Variants in ADAMTS9 observed in about 807,000 individuals in gnomAD.
ADAMTS9 encodes ADAM metallopeptidase with thrombospondin type 1 motif 9, also known as A disintegrin and metalloproteinase with thrombospondin motifs 9.
ADAMTS9 carries 107 observed loss-of-function variants against 257.1 expected under a neutral mutation model. That is an observed-to-expected ratio of 0.42 (90% CI 0.36 to 0.49). ADAMTS9 has a LOEUF of 0.49. ADAMTS9 is among the 20% of genes least tolerant of loss of function. The probability of loss-of-function intolerance (pLI) is 0.03; values close to 1 mark genes in which losing one functional copy is unlikely to be tolerated. For synonymous variants in ADAMTS9, 982 were observed against 880.9 expected, an observed-to-expected ratio of 1.11 and a Z score of -2.03; for missense variants, 2,353 against 2,469.1, an observed-to-expected ratio of 0.95 and a Z score of 1.00.
chr3:64,687,845 C>T lies in ADAMTS9; in HGVS notation c.-188G>A. The T allele has an allele frequency of 2.2e-6, 1 of 459,260 alleles. No homozygotes were observed. The highest frequency in any genetic ancestry group is 3.7e-5 in the East Asian group (1 of 26,968). The allele number at this position is 459,260 out of a possible 1,614,324, so 28.4% of individuals were successfully genotyped here. A position where few individuals can be genotyped will look rare whatever the true frequency, so the allele number is the denominator to read the frequency against. On this transcript the variant is annotated 5_prime_UTR_variant, in exon 1 of 40. Coordinates refer to ENST00000498707, the MANE Select transcript of ADAMTS9 (RefSeq NM_182920.2). The surrounding 1 kb of genome is among the most constrained non-coding windows in gnomAD (Gnocchi z 4.4). The stretch of plus-strand genomic sequence containing the variant: ...GTCTGCGCTCGGCTGAGCAACGCCG[C>T]CGCCTGCCGAGAGCTGAGCCGCTCG...
intron 25 of ADAMTS9, among the ~76,000 whole-genome samples, chr3:64,602,820 T>C (rs2084489553): frequency 6.6e-6 from 1 of 152,226 alleles, no homozygotes; most frequent in Admixed American, 6.5e-5. Context: ...CAGTACCTCT[T>C]GCTATATTAC....
intron 3 of ADAMTS9, 148 bp downstream of exon 3, chr3:64,681,053 G>T: frequency 1.2e-6 from 1 of 858,594 alleles, no homozygotes; most frequent in Non-Finnish European, 1.7e-6. Flanking sequence ...TGTACAGTGG[G>T]GTATGTATCC....
intron 30 of ADAMTS9, among the ~76,000 whole-genome samples, chr3:64,556,333 G>A (rs1366443005): frequency 6.6e-6 from 1 of 152,134 alleles, no homozygotes; most frequent in African/African-American, 2.4e-5. Context: ...TATTTTTAAT[G>A]TTTTTGAGAC....
chr3:64,624,966 C>T (rs1700192446), intron 16 of ADAMTS9, among the ~76,000 whole-genome samples: 1 of 152,044 alleles, frequency 6.6e-6, no homozygotes, highest in African/African-American at 2.4e-5. Context: ...TTTAATAAAT[C>T]AGAGCTATTA....
At chr3:64,587,626 A>G (rs2084184019) in intron 28 of ADAMTS9, 2 of 152,090 alleles carry the variant, frequency 1.3e-5, no homozygotes, top group Non-Finnish European at 2.9e-5. Flanking sequence ...GCTCTTTCTC[A>G]TAAGAGAAAG....
intron 28 of ADAMTS9, among the ~76,000 whole-genome samples, chr3:64,585,635 T>A (rs1208929951): frequency 1.3e-5 from 2 of 152,156 alleles, no homozygotes; most frequent in Non-Finnish European, 2.9e-5. Flanking sequence ...AGGAACCTCA[T>A]CACCATGAAC....
intron 9 of ADAMTS9, 149 bp downstream of exon 9, chr3:64,650,868 T>C (rs1005269988): frequency 1.0e-4 from 4 of 38,286 alleles, no homozygotes; most frequent in Non-Finnish European, 1.1e-4. Flanking sequence ...GTCAGAGAGC[T>C]TTTTTTTTTT....
chr3:64,603,216 A>G (rs1392044753), intron 25 of ADAMTS9, among the ~76,000 whole-genome samples: 1 of 152,202 alleles, frequency 6.6e-6, no homozygotes, highest in African/African-American at 2.4e-5. Flanking sequence ...CCATGCAACA[A>G]GTAAATGCCA....
intron 28 of ADAMTS9, among the ~76,000 whole-genome samples, chr3:64,573,626 TACA>T (rs754022100): frequency 2.0e-5 from 3 of 152,364 alleles, no homozygotes; most frequent in African/African-American, 4.8e-5. Flanking sequence ...TATCTTTTCA[TACA>T]ACAACAAACT....
intron 3 of ADAMTS9, among the ~76,000 whole-genome samples, chr3:64,669,208 C>G (rs762408058): frequency 1.3e-5 from 2 of 152,176 alleles, no homozygotes; most frequent in Non-Finnish European, 2.9e-5. Flanking sequence ...AACTTAATCC[C>G]TTAAATGAAT....
intron 3 of ADAMTS9, among the ~76,000 whole-genome samples, chr3:64,669,877 C>A (rs778478639): frequency 2.6e-5 from 4 of 152,148 alleles, no homozygotes; most frequent in Non-Finnish European, 5.9e-5. Context: ...TTCTGAAAAA[C>A]CACTTCTATT....
At chr3:64,667,608 T>A (rs868695739) in intron 3 of ADAMTS9, among the ~76,000 whole-genome samples, 1 of 152,034 alleles carries the variant, frequency 6.6e-6, no homozygotes, top group Admixed American at 6.5e-5. Context: ...ACCTGGGGAG[T>A]TAAATTTGCT....
Position 64,687,397 on chromosome 3 carries a change from C to G in ADAMTS9, c.115+146G>C. ...TCCCTAGCAATTGGTTGGGGATGAC[C>G]CAAAGAAGGGAGAGGCTGCAAAGCG... On this transcript the variant is annotated intron_variant, in intron 1 of 39. Transcript: ENST00000498707. The surrounding 1 kb of genome is among the most constrained non-coding windows in gnomAD (Gnocchi z 4.4). The G allele has an allele frequency of 1.4e-6, 1 of 732,562 alleles. No homozygotes were observed. The allele number at this position is 732,562 out of a possible 1,614,324, so 45.4% of individuals were successfully genotyped here.
rs577966349 is a variant in ADAMTS9 at position 64,642,460 on chromosome 3, A to T, written c.1711-467T>A. ...TTGGAGAGGGGGGAAAAAAAAAGCG[A>T]GTTACATGATTCTTATAAACACACT... On this transcript the variant is annotated intron_variant, in intron 11 of 39. Coordinates refer to ENST00000498707, the MANE Select transcript of ADAMTS9 (RefSeq NM_182920.2). Among the ~76,000 whole-genome samples the T allele has an allele frequency of 2.0e-5, 3 of 150,114 alleles. 1 individual carries two copies. The South Asian group carries it at 6.4e-4, about 32-fold the overall frequency.
Position 64,604,326 on chromosome 3 carries a change from A to G in ADAMTS9, c.3480T>C (p.Cys1160=), listed in dbSNP as rs1559787625. The change falls in exon 24 of 40, where the codon TGT becomes TGC. Residue 1160 remains cysteine (C), a synonymous_variant. Coordinates refer to ENST00000498707, the MANE Select transcript of ADAMTS9 (RefSeq NM_182920.2). ...GGGGAGGATGACATGATGGTAATTC[A>G]CAGTCCTAGACGTGATGGGGGAAAA... ...AATRPTDTQD[C]ELPSCHPPPA... is the part of the protein sequence containing the mutation. The G allele has an allele frequency of 1.2e-6, 2 of 1,607,186 alleles. No homozygotes were observed. Among genetic ancestry groups the G allele is most frequent in the Middle Eastern group, 1.7e-4 (1 of 6,010 alleles).
chr3:64,686,446 T>G lies in ADAMTS9; in HGVS notation c.516+122A>C, dbSNP rs1701909578. On this transcript the variant is annotated intron_variant, in intron 2 of 39. Transcript: ENST00000498707. The surrounding 1 kb of genome is among the most constrained non-coding windows in gnomAD (Gnocchi z 4.6). ...AACCATACGAGTTTCTAGCTGATAT[T>G]TAACGCCGGAGAGGAGCGGAGCCTC... 1 of 1,335,826 alleles carries G rather than the reference T, an allele frequency of 7.5e-7. No individual in the cohort carries two copies. The highest frequency in any genetic ancestry group is 2.8e-5 in the Admixed American group (1 of 35,816). The allele number at this position is 1,335,826 out of a possible 1,614,324, so 82.7% of individuals were successfully genotyped here.
intron 11 of ADAMTS9, among the ~76,000 whole-genome samples, chr3:64,647,576 T>C (rs1378251406): frequency 1.3e-5 from 2 of 152,226 alleles, no homozygotes; most frequent in Non-Finnish European, 2.9e-5. Flanking sequence ...TCCATCAACT[T>C]ACCAATAGCT....
chr3:64,684,580 G>A (rs1393790381), intron 2 of ADAMTS9, among the ~76,000 whole-genome samples: 3 of 152,118 alleles, frequency 2.0e-5, no homozygotes, highest in Non-Finnish European at 4.4e-5. Flanking sequence ...CTAGATTAAT[G>A]GCTGAAGATA....
intron 3 of ADAMTS9, among the ~76,000 whole-genome samples, chr3:64,678,505 T>C (rs975949503): frequency 2.6e-5 from 4 of 152,086 alleles, no homozygotes; most frequent in African/African-American, 9.7e-5. Flanking sequence ...GAGGGGTTAG[T>C]TTTGTTTTGT....
Sources: allele counts gnomAD v4.1 joint callset (sites outside exome capture counted in the v4.1 genomes callset), GRCh38; gene constraint gnomAD v4.1.1; non-coding constraint Gnocchi (gnomAD v3.1); transcripts MANE v1.5; gene names NCBI Gene and HGNC (gene_info 2026-07-23, HGNC 2026-07-21).